Variants in BABAM2 observed in about 807,000 individuals in gnomAD.
BABAM2 encodes the protein BRISC and BRCA1-A complex member 2.
BABAM2 carries 31 observed loss-of-function variants against 54.7 expected under a neutral mutation model. The observed-to-expected ratio is 0.57, with a 90% confidence interval of 0.43 to 0.77. BABAM2 has a LOEUF of 0.77. Among genes scored for constraint, BABAM2 ranks in the 30% least tolerant of loss-of-function variants. BABAM2 has a pLI of 0.00. For synonymous variants in BABAM2, 167 were observed against 162.9 expected, an observed-to-expected ratio of 1.03 and a Z score of -0.19; for missense variants, 364 against 455.8, an observed-to-expected ratio of 0.80 and a Z score of 1.83.
chr2:27,907,323 A>G (rs890448585), intron 2 of BABAM2, among the ~76,000 whole-genome samples: 1 of 152,038 alleles, frequency 6.6e-6, no homozygotes, highest in African/African-American at 2.4e-5. Context: ...TATTGATAAC[A>G]AACCTTGAAT....
intron 2 of BABAM2, among the ~76,000 whole-genome samples, chr2:27,928,208 G>T (rs960276959): frequency 6.6e-6 from 1 of 152,098 alleles, no homozygotes; most frequent in Non-Finnish European, 1.5e-5. Flanking sequence ...TGGAGACAGG[G>T]TTTCACCATG....
At chr2:28,118,392 A>T (rs1487147029) in intron 6 of BABAM2, among the ~76,000 whole-genome samples, 1 of 151,960 alleles carries the variant, frequency 6.6e-6, no homozygotes, top group African/African-American at 2.4e-5. Flanking sequence ...TTGTTTCCTG[A>T]CTTCTTAATA....
At chr2:27,897,384 A>G (rs1313443614) in intron 2 of BABAM2, among the ~76,000 whole-genome samples, 3 of 152,172 alleles carry the variant, frequency 2.0e-5, no homozygotes, top group Non-Finnish European at 4.4e-5. Context: ...TTTTGAAAAC[A>G]TCTGATATTA....
intron 3 of BABAM2, among the ~76,000 whole-genome samples, chr2:27,968,399 GAT>G (rs1670975347): frequency 6.6e-6 from 1 of 152,246 alleles, no homozygotes; most frequent in South Asian, 2.1e-4. Context: ...CCTCTGTCTA[GAT>G]TTCAGAAGTT....
At chr2:27,948,204 T>G (rs1418610609) in intron 3 of BABAM2, among the ~76,000 whole-genome samples, 1 of 152,112 alleles carries the variant, frequency 6.6e-6, no homozygotes, top group Non-Finnish European at 1.5e-5. Context: ...TTTGATGCTG[T>G]TGAAAATTAT....
intron 10 of BABAM2, among the ~76,000 whole-genome samples, chr2:28,286,817 G>T (rs1686859184): frequency 6.6e-6 from 1 of 152,174 alleles, no homozygotes; most frequent in African/African-American, 2.4e-5. Context: ...ACTGTGGGGA[G>T]GAGTTGGCCT....
chr2:28,041,618 G>A (rs912943410), intron 5 of BABAM2, among the ~76,000 whole-genome samples: 11 of 152,092 alleles, frequency 7.2e-5, no homozygotes, highest in African/African-American at 2.7e-4. Context: ...CTGTAACCCC[G>A]ACCTTTTTGC....
chr2:27,923,074 GC>G (rs1205296543), intron 2 of BABAM2, among the ~76,000 whole-genome samples: 6 of 152,152 alleles, frequency 3.9e-5, no homozygotes, highest in African/African-American at 1.4e-4. Context: ...AGCTAGAACT[GC>G]CCAGCCAAGC....
chr2:28,225,275 C>G (rs1023556632), intron 7 of BABAM2, among the ~76,000 whole-genome samples: 2 of 152,132 alleles, frequency 1.3e-5, no homozygotes, highest in East Asian at 3.8e-4. Flanking sequence ...CAAAGACAGT[C>G]GGGCTAACAA....
chr2:28,239,073 TC>T (rs1682174337), intron 8 of BABAM2, among the ~76,000 whole-genome samples: 2 of 152,228 alleles, frequency 1.3e-5, no homozygotes, highest in African/African-American at 4.8e-5. Context: ...AAAATGGTTT[TC>T]TGTTTTTAAA....
At chr2:28,245,349 A>G (rs1682822053) in intron 10 of BABAM2, among the ~76,000 whole-genome samples, 1 of 152,198 alleles carries the variant, frequency 6.6e-6, no homozygotes. Flanking sequence ...TCATTTGGTT[A>G]TCATCCTTAT....
intron 2 of BABAM2, among the ~76,000 whole-genome samples, chr2:27,911,169 T>A (rs2148304796): frequency 6.6e-6 from 1 of 152,300 alleles, no homozygotes; most frequent in East Asian, 1.9e-4. Flanking sequence ...CTCTTTCTTT[T>A]ATAAACTACC....
chr2:27,954,788 C>T lies in BABAM2; in HGVS notation c.205+24880C>T, dbSNP rs560609156. ...TTAAAATTTCATGCCAAAGCATTGC[C>T]AATTGTAAGGCTTTCTTTTCTTCCA... On this transcript the variant is annotated intron_variant, in intron 3 of 11. Transcript: ENST00000379624. Among the ~76,000 whole-genome samples, 4 of 152,200 alleles carry T rather than the reference C, an allele frequency of 2.6e-5. No individual in the cohort carries two copies. The East Asian group carries it at 7.7e-4, about 29-fold the overall frequency.
At chr2:28,245,866 A>G (rs1205016157) in intron 10 of BABAM2, among the ~76,000 whole-genome samples, 1 of 152,160 alleles carries the variant, frequency 6.6e-6, no homozygotes, top group Non-Finnish European at 1.5e-5. Context: ...TCTGCAGCAG[A>G]TTTACCTTCT....
chr2:28,227,644 A>G (rs1319806685), intron 7 of BABAM2, among the ~76,000 whole-genome samples: 1 of 152,146 alleles, frequency 6.6e-6, no homozygotes, highest in Non-Finnish European at 1.5e-5. Flanking sequence ...CCTGTTGTCC[A>G]CAGTGCCTTT....
At chr2:28,297,223 G>T (rs1454905768) in intron 10 of BABAM2, among the ~76,000 whole-genome samples, 1 of 152,130 alleles carries the variant, frequency 6.6e-6, no homozygotes, top group East Asian at 1.9e-4. Context: ...ACTATGACAT[G>T]AGCAAGTTAA....
chr2:27,925,636 G>A (rs1389874541), intron 2 of BABAM2, among the ~76,000 whole-genome samples: 1 of 152,102 alleles, frequency 6.6e-6, no homozygotes, highest in African/African-American at 2.4e-5. Flanking sequence ...CAGCTATGTA[G>A]CGATGTCTTT....
chr2:27,962,379 G>A (rs1048189558), intron 3 of BABAM2, among the ~76,000 whole-genome samples: 2 of 152,164 alleles, frequency 1.3e-5, no homozygotes, highest in Non-Finnish European at 2.9e-5. Flanking sequence ...GGGATTACAG[G>A]TGTGAGCCAC....
intron 3 of BABAM2, among the ~76,000 whole-genome samples, chr2:27,976,662 A>G (rs954283798): frequency 1.3e-5 from 2 of 152,198 alleles, no homozygotes; most frequent in African/African-American, 2.4e-5. Flanking sequence ...TCTGCATGTT[A>G]TACAACTCTT....
Sources: gnomAD v4.1 joint callset for allele counts (sites outside exome capture counted in the v4.1 genomes callset) on GRCh38, gnomAD v4.1.1 for gene constraint, MANE v1.5 for transcripts, NCBI Gene and HGNC (gene_info 2026-07-23, HGNC 2026-07-21) for gene names.